PHF21B: variants seen among roughly 807,000 people sequenced by gnomAD.
The protein encoded by PHF21B is PHD finger protein 21B, also known as PHD finger protein 4.
A neutral mutation model predicts 62.2 loss-of-function variants in PHF21B; 22 were observed. The ratio of observed to expected loss-of-function variants is 0.35; its 90% confidence interval spans 0.25 to 0.51. The LOEUF is 0.51. PHF21B is among the 20% of genes least tolerant of loss of function. PHF21B has a pLI of 0.97. For missense variants in PHF21B, 701 were observed against 707.9 expected, an observed-to-expected ratio of 0.99 and a Z score of 0.11; for synonymous variants, 341 against 314.7, an observed-to-expected ratio of 1.08 and a Z score of -0.88.
intron 2 of PHF21B, among the ~76,000 whole-genome samples, chr22:44,937,543 C>T (rs549144903): frequency 6.6e-6 from 1 of 152,366 alleles, no homozygotes; most frequent in South Asian, 2.1e-4. Context: ...ACTAAACACA[C>T]ACCTGTGCTC....
chr22:44,947,187 C>T (rs939338591), intron 2 of PHF21B, among the ~76,000 whole-genome samples: 2 of 152,162 alleles, frequency 1.3e-5, no homozygotes, highest in Admixed American at 6.5e-5. Flanking sequence ...AGGCAAGATC[C>T]CCGCCCCCAC....
chr22:44,963,481 C>T (rs1015049391), intron 2 of PHF21B, among the ~76,000 whole-genome samples: 7 of 152,222 alleles, frequency 4.6e-5, no homozygotes, highest in African/African-American at 1.4e-4. Context: ...CCTAAGATGA[C>T]GTGACCCATG....
chr22:44,960,139 G>T (rs552683450), intron 2 of PHF21B, among the ~76,000 whole-genome samples: 246 of 152,194 alleles, frequency 1.6e-3, no homozygotes, highest in African/African-American at 5.6e-3. Context: ...GTAAACATCC[G>T]CCTGAAAAGA....
intron 10 of PHF21B, 111 bp downstream of exon 10, chr22:44,887,852 A>T: frequency 8.4e-7 from 1 of 1,190,934 alleles, no homozygotes; most frequent in Non-Finnish European, 1.1e-6. Context: ...GAGGTTGAAA[A>T]AGCCTTCCTA....
At chr22:44,981,148 C>T (rs922237458) in intron 2 of PHF21B, among the ~76,000 whole-genome samples, 4 of 152,074 alleles carry the variant, frequency 2.6e-5, no homozygotes, top group Admixed American at 2.0e-4. Context: ...GCCTTTATGT[C>T]CAAAGCTTCC....
At chr22:44,892,440 G>C (rs941862107) in intron 7 of PHF21B, among the ~76,000 whole-genome samples, 1 of 152,240 alleles carries the variant, frequency 6.6e-6, no homozygotes, top group African/African-American at 2.4e-5. Context: ...CGCTCTGCGC[G>C]AAACGCCTCC....
chr22:44,903,274 T>C (rs2071193162), intron 5 of PHF21B, among the ~76,000 whole-genome samples: 1 of 151,986 alleles, frequency 6.6e-6, no homozygotes, highest in South Asian at 2.1e-4. Context: ...ACTTCTGATC[T>C]TCAGGGAGTG....
At chr22:44,993,304 T>C (rs1246503826) in intron 2 of PHF21B, among the ~76,000 whole-genome samples, 2 of 152,170 alleles carry the variant, frequency 1.3e-5, no homozygotes, top group East Asian at 3.8e-4. Flanking sequence ...AGGTGAGTCA[T>C]CACACCTCAC....
At chr22:44,889,674 C>T (rs2070926034) in intron 9 of PHF21B, 86 bp downstream of exon 9, 23 of 1,485,462 alleles carry the variant, frequency 1.5e-5, no homozygotes, top group Non-Finnish European at 2.1e-5. Context: ...GGGCTCTTTC[C>T]CTCTTTCCAG....
At chr22:44,974,158 A>T (rs1022588164) in intron 2 of PHF21B, among the ~76,000 whole-genome samples, 10 of 152,130 alleles carry the variant, frequency 6.6e-5, no homozygotes, top group African/African-American at 2.4e-4. Flanking sequence ...TCACGTCTGT[A>T]ATCCCAACAC....
chr22:44,947,283 A>G (rs2072093551), intron 2 of PHF21B, among the ~76,000 whole-genome samples: 1 of 151,926 alleles, frequency 6.6e-6, no homozygotes, highest in Admixed American at 6.6e-5. Flanking sequence ...GGCACCAAGC[A>G]TTCTGTTCAC....
At chr22:44,913,490 C>A (rs2071380205) in intron 5 of PHF21B, among the ~76,000 whole-genome samples, 2 of 152,350 alleles carry the variant, frequency 1.3e-5, no homozygotes, top group African/African-American at 2.4e-5. Flanking sequence ...GGAGGCCCTG[C>A]CATTCCCACC....
At chr22:45,008,926 CG>C (rs2073376755) in intron 1 of PHF21B, 2 of 1,119,462 alleles carry the variant, frequency 1.8e-6, no homozygotes, top group East Asian at 4.5e-5. Flanking sequence ...GAGTGTGTGC[CG>C]GGGGAGGGGG....
intron 2 of PHF21B, among the ~76,000 whole-genome samples, chr22:45,005,718 G>GTGT (rs1453504744): frequency 6.6e-6 from 1 of 152,162 alleles, no homozygotes; most frequent in Non-Finnish European, 1.5e-5. Context: ...TCATCCACAT[G>GTGT]TGCACTTTTA....
intron 7 of PHF21B, 54 bp downstream of exon 7, chr22:44,893,403 T>A: frequency 6.5e-7 from 1 of 1,527,042 alleles, no homozygotes; most frequent in South Asian, 1.2e-5. Context: ...TCCTGGAGGC[T>A]GTGCACTGGG....
At chr22:44,981,185 G>C (rs2072835484) in intron 2 of PHF21B, among the ~76,000 whole-genome samples, 1 of 152,346 alleles carries the variant, frequency 6.6e-6, no homozygotes, top group South Asian at 2.1e-4. Flanking sequence ...GAGGGAGACA[G>C]AGGGGAGGAG....
At position 44,904,466 on chromosome 22, in the gene PHF21B, T is replaced by C. The variant is rs529509716; in HGVS notation, c.832-8383A>G. Among the ~76,000 whole-genome samples the C allele has an allele frequency of 3.9e-5, 6 of 152,344 alleles. No homozygotes were observed. In the East Asian group the frequency reaches 1.2e-3, roughly 29 times the overall value. On this transcript the variant is annotated intron_variant, in intron 5 of 12. Transcript: ENST00000313237. ...CCTTAGTCTTCCTATGTGTAAAATG[T>C]CTTTCTTTTGCCCTTGCTCTTGAAA...
chr22:44,958,982 T>C (rs1179013510), intron 2 of PHF21B, among the ~76,000 whole-genome samples: 2 of 151,986 alleles, frequency 1.3e-5, no homozygotes, highest in Admixed American at 6.6e-5. Context: ...ATTTCCAATG[T>C]CTCCTGCTGG....
At chr22:44,974,925 A>G (rs1207404843) in intron 2 of PHF21B, among the ~76,000 whole-genome samples, 1 of 152,248 alleles carries the variant, frequency 6.6e-6, no homozygotes, top group East Asian at 1.9e-4. Flanking sequence ...GCAGATCAAA[A>G]TGAAATGTGA....
Sources: gnomAD v4.1 joint callset for allele counts (sites outside exome capture counted in the v4.1 genomes callset) on GRCh38, gnomAD v4.1.1 for gene constraint, MANE v1.5 for transcripts, NCBI Gene and HGNC (gene_info 2026-07-23, HGNC 2026-07-21) for gene names.